The following NEXN variants were observed in gnomAD, a reference collection of about 807,000 sequenced individuals.
NEXN encodes the protein nexilin.
In NEXN, 65 loss-of-function variants were observed where a neutral mutation model predicts 92.6. That is an observed-to-expected ratio of 0.70 (90% confidence interval 0.57 to 0.86). NEXN has a LOEUF of 0.86. NEXN is among the 40% of genes least tolerant of loss of function. The pLI is 0.00. For missense variants in NEXN, 778 were observed against 771.1 expected (o/e 1.01, Z -0.11); for synonymous variants, 254 against 242.5 (o/e 1.05, Z -0.44).
chr1:77,903,709 G>A (rs1245063199), intron 1 of NEXN, among the ~76,000 whole-genome samples: 1 of 152,088 alleles, frequency 6.6e-6, no homozygotes, highest in Non-Finnish European at 1.5e-5. Flanking sequence ...ATATAAGCAC[G>A]AAACTGGGAA....
At chr1:77,917,297 C>T (rs1649053752) in intron 2 of NEXN, among the ~76,000 whole-genome samples, 1 of 152,094 alleles carries the variant, frequency 6.6e-6, no homozygotes, top group Non-Finnish European at 1.5e-5. Flanking sequence ...TACTGGCTTT[C>T]AGCTTCAGTG....
At chr1:77,925,373 A>T in intron 6 of NEXN, 144 bp downstream of exon 6, 1 of 692,140 alleles carries the variant, frequency 1.4e-6, no homozygotes, top group Non-Finnish European at 2.5e-6. Context: ...TTTGCAAAGC[A>T]AGAGCATACT....
intron 11 of NEXN, among the ~76,000 whole-genome samples, chr1:77,936,760 A>G (rs200284636): frequency 3.9e-4 from 59 of 152,332 alleles, no homozygotes; most frequent in East Asian, 1.9e-3. Context: ...TTGCCATCCT[A>G]TAATATTTAA....
At chr1:77,924,782 C>T (rs1385405072) in intron 5 of NEXN, among the ~76,000 whole-genome samples, 1 of 152,092 alleles carries the variant, frequency 6.6e-6, no homozygotes, top group African/African-American at 2.4e-5. Flanking sequence ...GCCTCAGCCT[C>T]CAGAGTAGCT....
chr1:77,927,422 A>G (rs1263099611), intron 8 of NEXN, among the ~76,000 whole-genome samples: 1 of 152,200 alleles, frequency 6.6e-6, no homozygotes, highest in Non-Finnish European at 1.5e-5. Context: ...TGTTAGTTCA[A>G]TCTGCAAAGT....
rs765353395 is a variant in NEXN at position 77,942,082 on chromosome 1, G to C, written c.1533G>C (p.Val511=). ...RKSEAPFTHK[V]NMKARFEQMA... ...GCGAGGCTCCATTTACTCACAAAGT[G>C]AATATGAAAGCTAGATTTGAACAAA... The change falls in exon 12 of 13, where the codon GTG becomes GTC. Residue 511 remains valine (V), a synonymous_variant. Transcript: ENST00000334785. The C allele has an allele frequency of 6.2e-7, 1 of 1,613,642 alleles. No homozygotes were observed.
intron 1 of NEXN, among the ~76,000 whole-genome samples, chr1:77,895,185 C>T (rs1290903673): frequency 2.0e-5 from 3 of 151,538 alleles, no homozygotes; most frequent in Admixed American, 6.6e-5. Context: ...GCTGGGACTA[C>T]AGGCACCCGC....
At chr1:77,927,965 A>G (rs1407567626) in intron 8 of NEXN, among the ~76,000 whole-genome samples, 1 of 152,122 alleles carries the variant, frequency 6.6e-6, no homozygotes, top group East Asian at 1.9e-4. Context: ...AGATTTATCA[A>G]CAGAAAGTAA....
chr1:77,894,658 C>T (rs1378674103), intron 1 of NEXN, among the ~76,000 whole-genome samples: 1 of 151,872 alleles, frequency 6.6e-6, no homozygotes, highest in African/African-American at 2.4e-5. Flanking sequence ...CCAGGCCTCA[C>T]CCTCCTAAAG....
In NEXN at chr1:77,943,588, T is replaced by A. The variant is rs192101966; in HGVS notation, c.*759T>A. The A allele has an allele frequency of 5.5e-3, 841 of 152,164 alleles. 8 individuals are homozygous for A. Among genetic ancestry groups the A allele is most frequent in the African/African-American group, 0.02 (811 of 41,550 alleles). 9.4% of individuals were successfully genotyped at this position (152,164 alleles called of 1,614,324 possible). A position where few individuals can be genotyped will look rare whatever the true frequency, so the allele number is the denominator to read the frequency against. ...TGTTATTTTTCAAACGTATGTAATATATATTAAATTTATAAAGCAAATTTA... is the reference window on the plus strand; with the variant it reads ...TGTTATTTTTCAAACGTATGTAATAAATATTAAATTTATAAAGCAAATTTA... On this transcript the variant is annotated 3_prime_UTR_variant, in exon 13 of 13. Coordinates refer to ENST00000334785, the MANE Select transcript of NEXN (RefSeq NM_144573.4).
At chr1:77,910,709 C>CCATTTT (rs969247126) in intron 1 of NEXN, among the ~76,000 whole-genome samples, 3 of 135,302 alleles carry the variant, frequency 2.2e-5, no homozygotes, top group Admixed American at 8.2e-5. Flanking sequence ...TGAGACTGTG[C>CCATTTT]CATTGCACTC....
intron 1 of NEXN, among the ~76,000 whole-genome samples, chr1:77,913,258 T>C (rs1229603937): frequency 6.6e-6 from 1 of 151,870 alleles, no homozygotes; most frequent in Non-Finnish European, 1.5e-5. Context: ...CTACTACAAA[T>C]ACAAAAATTA....
At chr1:77,930,520 G>A (rs909925113) in intron 9 of NEXN, among the ~76,000 whole-genome samples, 1 of 152,116 alleles carries the variant, frequency 6.6e-6, no homozygotes, top group Non-Finnish European at 1.5e-5. Context: ...AATTTTGATT[G>A]TGTTTTGTTA....
At chr1:77,929,555 A>G in intron 9 of NEXN, 51 bp downstream of exon 9, 1 of 1,606,076 alleles carries the variant, frequency 6.2e-7, no homozygotes, top group Non-Finnish European at 8.5e-7. Context: ...CTTTGAGAAT[A>G]TGTTAATAGA....
In NEXN at chr1:77,927,769, T is replaced by C. The variant is rs193197597; in HGVS notation, c.864+877T>C. Among the ~76,000 whole-genome samples, 5 of 152,222 alleles carry C rather than the reference T, an allele frequency of 3.3e-5. No homozygotes were observed. In the East Asian group the frequency reaches 9.6e-4, roughly 29 times the overall value. ...AATTAAATCTCTCTTAGTTTCTTCA[T>C]TTTTAAAATGGTAAAAATGAAAGCG... On this transcript the variant is annotated intron_variant, in intron 8 of 12. Transcript: ENST00000334785.
At chr1:77,930,170 G>A (rs542585803) in intron 9 of NEXN, among the ~76,000 whole-genome samples, 25 of 152,260 alleles carry the variant, frequency 1.6e-4, no homozygotes, top group Middle Eastern at 3.4e-3. Flanking sequence ...TGGTGATATC[G>A]TAACCTGGTT....
intron 9 of NEXN, among the ~76,000 whole-genome samples, chr1:77,932,652 C>A (rs1374094104): frequency 1.3e-5 from 2 of 151,660 alleles, no homozygotes; most frequent in East Asian, 3.9e-4. Context: ...ATTAGGAAAT[C>A]TTAATGTCTA....
At chr1:77,895,638 C>T (rs532056470) in intron 1 of NEXN, among the ~76,000 whole-genome samples, 23 of 152,138 alleles carry the variant, frequency 1.5e-4, no homozygotes, top group East Asian at 3.9e-4. Context: ...GCAAGGCAGG[C>T]GGATCTCTTG....
In NEXN at chr1:77,926,791, G is replaced by A. The variant is rs1193605585; in HGVS notation, c.763G>A (p.Glu255Lys). ...ATTGAAACTAACTTTTGAAGAACTG[G>A]AGCGACAAAGACAAGAAAACCGAAA... is the stretch of plus-strand genomic sequence containing the variant. ...GKLKLTFEEL[E>K]RQRQENRKKQ... Residue 255 changes from glutamate to lysine, a missense_variant, in exon 8 of 13, where the codon GAG becomes AAG. Transcript: ENST00000334785. 1.2e-6 allele frequency: 2 copies of A among 1,613,740 alleles called. No homozygotes were observed. The highest frequency in any genetic ancestry group is 1.7e-5 in the Admixed American group (1 of 59,964).
Sources: allele counts gnomAD v4.1 joint callset (sites outside exome capture counted in the v4.1 genomes callset), GRCh38; gene constraint gnomAD v4.1.1; transcripts MANE v1.5; gene names NCBI Gene and HGNC (gene_info 2026-07-23, HGNC 2026-07-21).